Variants in ANK3 observed in about 807,000 individuals in gnomAD.
ANK3 encodes the protein ankyrin 3, also known as ankyrin-3.
Under a neutral mutation model 370.9 loss-of-function variants are expected in ANK3, and 57 were observed. The observed-to-expected ratio is 0.15, with a 90% CI of 0.12 to 0.19. ANK3 has a LOEUF of 0.19. Ranked by LOEUF, ANK3 falls within the 10% of genes least tolerant of loss-of-function variation. The probability of loss-of-function intolerance (pLI) is 1.00; values close to 1 mark genes in which losing one functional copy is unlikely to be tolerated. For missense variants in ANK3, 4,439 were observed against 5,302.1 expected (o/e 0.84, Z 5.06); for synonymous variants, 1,929 against 1,946.3 (o/e 0.99, Z 0.23).
intron 25 of ANK3, among the ~76,000 whole-genome samples, chr10:60,132,770 C>G (rs556595725): frequency 6.6e-6 from 1 of 151,682 alleles, no homozygotes; most frequent in Non-Finnish European, 1.5e-5. Context: ...ATGCCCACCA[C>G]GACACCTGGC....
intron 2 of ANK3, among the ~76,000 whole-genome samples, chr10:60,598,151 A>T (rs990604669): frequency 6.6e-6 from 1 of 152,204 alleles, no homozygotes; most frequent in African/African-American, 2.4e-5. Context: ...ATCCAGGAAC[A>T]TCTGTTACAT....
In ANK3 at chr10:60,088,206, G is replaced by A. The variant is rs2087193444; in HGVS notation, c.3481C>T (p.Leu1161Phe). The change falls in exon 29 of 44, where the codon CTT becomes TTT. Residue 1161 changes from leucine to phenylalanine, a missense_variant. This residue lies in a region of ANK3 where 702 missense variants were observed against 941.5 expected (regional missense o/e 0.75). Transcript: ENST00000280772. ...CCCTCTGGGAAAGATGCTTGAACAAGGGGCACTGTGGTGCTGCTCAGAATT... is the reference window on the plus strand; with the variant it reads ...CCCTCTGGGAAAGATGCTTGAACAAAGGGCACTGTGGTGCTGCTCAGAATT... ...GGILSSTTVP[L>F]VQASFPEGAL... is the part of the protein sequence containing the mutation. The A allele has an allele frequency of 6.2e-7, 1 of 1,614,082 alleles. No individual in the cohort carries two copies. The highest frequency in any genetic ancestry group is 1.3e-5 in the African/African-American group (1 of 74,934).
chr10:60,601,459 C>T (rs905699542), intron 2 of ANK3, among the ~76,000 whole-genome samples: 7 of 152,072 alleles, frequency 4.6e-5, no homozygotes, highest in Non-Finnish European at 7.4e-5. Context: ...TGTGGTCAAG[C>T]TCCCAAGACC....
At chr10:60,496,777 G>A (rs562502890) in intron 2 of ANK3, among the ~76,000 whole-genome samples, 14 of 149,888 alleles carry the variant, frequency 9.3e-5, no homozygotes, top group African/African-American at 2.9e-4. Context: ...AAAGGAGAAC[G>A]TCACAAGGCA....
At chr10:60,636,496 T>A (rs149104587) in intron 1 of ANK3, among the ~76,000 whole-genome samples, 110 of 152,310 alleles carry the variant, frequency 7.2e-4, no homozygotes, top group Middle Eastern at 6.8e-3. Flanking sequence ...ATACCTATGA[T>A]TTGCTTATGT....
chr10:60,653,569 C>A (rs780765125), intron 1 of ANK3, among the ~76,000 whole-genome samples: 8 of 152,040 alleles, frequency 5.3e-5, no homozygotes, highest in Admixed American at 1.3e-4. Flanking sequence ...CTCTTTTGTT[C>A]TTTTTAAAAT....
intron 2 of ANK3, among the ~76,000 whole-genome samples, chr10:60,535,328 G>C (rs117350820): frequency 0.032 from 4,915 of 152,108 alleles, 127 homozygotes; most frequent in Non-Finnish European, 0.052. Context: ...CTATTTTATA[G>C]CAATGAAAAA....
chr10:60,442,005 C>T (rs1252155674), intron 2 of ANK3, among the ~76,000 whole-genome samples: 4 of 152,028 alleles, frequency 2.6e-5, no homozygotes, highest in Non-Finnish European at 5.9e-5. Context: ...GTTTCAGGAC[C>T]CCCTGCAGAC....
intron 1 of ANK3, among the ~76,000 whole-genome samples, chr10:60,702,829 A>T (rs542622755): frequency 2.0e-5 from 3 of 152,360 alleles, no homozygotes; most frequent in Admixed American, 6.5e-5. Context: ...CAACCAGGCA[A>T]GTCATTATTT....
intron 42 of ANK3, chr10:60,042,963 A>C: frequency 7.3e-7 from 1 of 1,364,976 alleles, no homozygotes; most frequent in South Asian, 1.9e-5. Context: ...TGTCAAAATG[A>C]ATACAACATA....
intron 4 of ANK3, among the ~76,000 whole-genome samples, chr10:60,271,229 A>AAAT (rs1385372268): frequency 9.9e-5 from 15 of 151,890 alleles, no homozygotes; most frequent in South Asian, 4.2e-4. Context: ...CTCTGTATCA[A>AAAT]AATAATAATA....
At chr10:60,068,521 G>C in intron 37 of ANK3, 116 bp downstream of exon 37, 1 of 1,101,566 alleles carries the variant, frequency 9.1e-7, no homozygotes. Context: ...TCACTCCACA[G>C]GCAATCACAA....
At chr10:60,629,074 T>G (rs746733488) in intron 1 of ANK3, among the ~76,000 whole-genome samples, 1 of 152,168 alleles carries the variant, frequency 6.6e-6, no homozygotes, top group Non-Finnish European at 1.5e-5. Context: ...GTGATTTCCC[T>G]TCTTTATTTC....
rs2092083378 is a variant in ANK3, at chr10:60,105,778, G to A, written c.3328+127C>T. On this transcript the variant is annotated intron_variant, in intron 28 of 43. Coordinates refer to ENST00000280772, the MANE Select transcript of ANK3 (RefSeq NM_020987.5). ...TATGATATAGAAAACAGCAACAAAA[G>A]CTGAAGAACTTGGGTCCTAGCTTAA... is the stretch of plus-strand genomic sequence containing the variant. 5 of 958,352 alleles carry A rather than the reference G, an allele frequency of 5.2e-6. No homozygotes were observed. In the South Asian group the frequency reaches 1.1e-4, roughly 22 times the overall value. 59.4% of individuals were successfully genotyped at this position (958,352 alleles called of 1,614,324 possible).
intron 2 of ANK3, among the ~76,000 whole-genome samples, chr10:60,579,484 C>T (rs577129185): frequency 2.0e-5 from 3 of 151,970 alleles, no homozygotes; most frequent in Non-Finnish European, 2.9e-5. Context: ...TTCTAAGAAG[C>T]TCCTGCCTTA....
intron 2 of ANK3, among the ~76,000 whole-genome samples, chr10:60,612,126 G>A (rs150268377): frequency 5.9e-5 from 9 of 152,178 alleles, no homozygotes; most frequent in East Asian, 1.9e-4. Flanking sequence ...TGCATTTTCC[G>A]CAGAGGCCCC....
At chr10:60,141,761 GA>G (rs950623745) in intron 23 of ANK3, among the ~76,000 whole-genome samples, 2 of 151,918 alleles carry the variant, frequency 1.3e-5, no homozygotes, top group Admixed American at 6.6e-5. Flanking sequence ...AAAGTAGGGG[GA>G]AAAATCTGTT....
At chr10:60,341,400 T>G (rs2054249338) in intron 1 of ANK3, among the ~76,000 whole-genome samples, 1 of 152,130 alleles carries the variant, frequency 6.6e-6, no homozygotes, top group East Asian at 1.9e-4. Flanking sequence ...GATTAAGTTT[T>G]TCAAGGGCAC....
At chr10:60,358,115 CACACAA>C (rs1462825358) in intron 1 of ANK3, among the ~76,000 whole-genome samples, 6 of 14,134 alleles carry the variant, frequency 4.2e-4, no homozygotes, top group Admixed American at 1.5e-3. Flanking sequence ...CACACACACA[CACACAA>C]ACACACACAC....
Sources: allele counts gnomAD v4.1 joint callset (sites outside exome capture counted in the v4.1 genomes callset), GRCh38; gene constraint gnomAD v4.1.1; regional missense constraint gnomAD v4.1.1; transcripts MANE v1.5; gene names NCBI Gene and HGNC (gene_info 2026-07-23, HGNC 2026-07-21).